The following ELF4 variants were observed in gnomAD, a reference collection of about 807,000 sequenced individuals.
ELF4 encodes the protein ETS-related transcription factor Elf-4.
Under a neutral mutation model 31.7 loss-of-function variants are expected in ELF4, and 10 were observed. That is an observed-to-expected ratio of 0.32 (90% CI 0.19 to 0.54). The LOEUF is 0.54. Among genes scored for constraint, ELF4 ranks in the 20% least tolerant of loss-of-function variants. ELF4 has a pLI of 0.95. For missense variants in ELF4, 418 were observed against 522.0 expected, an observed-to-expected ratio of 0.80 and a Z score of 1.94; for synonymous variants, 208 against 226.7, an observed-to-expected ratio of 0.92 and a Z score of 0.74.
intron 5 of ELF4, 51 bp downstream of exon 5, chrX:130,072,172 CACG>C: frequency 2.1e-5 from 24 of 1,149,821 alleles, no homozygotes; most frequent in African/African-American, 5.3e-5. Context: ...ACCGCCCCCC[CACG>C]CCCCGCCCAT....
At position 130,066,067 on chromosome X, in the gene ELF4, T is replaced by C; in HGVS notation, c.*654A>G. 5.7e-6 allele frequency: 1 copy of C among 175,324 alleles called. No individual in the cohort carries two copies. Among genetic ancestry groups the C allele is most frequent in the Non-Finnish European group, 1.1e-5 (1 of 91,374 alleles). The allele number at this position is 175,324 out of a possible 1,213,427, so 14.4% of individuals were successfully genotyped here. ...CCCAATGTGCATGCGCATCAAAGCG[T>C]TCCTACTCTGCACTCGTTCCAGCTC... On this transcript the variant is annotated 3_prime_UTR_variant, in exon 9 of 9. Transcript: ENST00000308167.
chrX:130,074,228 G>A (rs1932813948), intron 3 of ELF4, 87 bp from the exon 4 acceptor site: 11 of 989,347 alleles, frequency 1.1e-5, no homozygotes, highest in East Asian at 3.1e-5. Flanking sequence ...GGGCCAGCCC[G>A]AAGAAAGGAT....
At position 130,067,519 on chromosome X, in the gene ELF4, A is replaced by C; in HGVS notation, c.1194T>G (p.Ser398=). Reference sequence around the variant, plus strand: ...CTAGGTGGATGTTGCTGGGCACTGAAGATGCACTGAGAAGAAACAGAGAAC... The same window carrying C: ...CTAGGTGGATGTTGCTGGGCACTGACGATGCACTGAGAAGAAACAGAGAAC... The part of the protein sequence containing the change: ...QVKLTKAVSA[S]SVPSNIHLGV... Residue 398 remains serine, a synonymous_variant, in exon 9 of 9, where the codon TCT becomes TCG. Transcript: ENST00000308167. The C allele has an allele frequency of 8.3e-7, 1 of 1,211,581 alleles. No individual in the cohort carries two copies. Among genetic ancestry groups the C allele is most frequent in the Non-Finnish European group, 1.1e-6 (1 of 895,198 alleles).
At chrX:130,098,213 G>A (rs997805350) in intron 1 of ELF4, among the ~76,000 whole-genome samples, 2 of 111,644 alleles carry the variant, frequency 1.8e-5, no homozygotes, top group Non-Finnish European at 3.8e-5. Context: ...TATTCATAGT[G>A]CTTTATGCAG....
In ELF4 at chrX:130,090,298, G is replaced by A. The variant is rs768522191; in HGVS notation, c.-209-8759C>T. Reference sequence around the variant, plus strand: ...TGAAGCAGGAGAATTGCTTGAACCCGGGAGATGGAGGTTGCAGTGAGCCAA... The same window carrying A: ...TGAAGCAGGAGAATTGCTTGAACCCAGGAGATGGAGGTTGCAGTGAGCCAA... On this transcript the variant is annotated intron_variant, in intron 1 of 8. Coordinates refer to ENST00000308167, the MANE Select transcript of ELF4 (RefSeq NM_001421.4). Among the ~76,000 whole-genome samples, 6 of 110,014 alleles carry A rather than the reference G, an allele frequency of 5.5e-5. No homozygotes were observed. In the East Asian group the frequency reaches 1.1e-3, roughly 21 times the overall value.
chrX:130,110,731 C>T, upstream of ELF4: 1 of 109,185 alleles, frequency 9.2e-6, no homozygotes, highest in South Asian at 3.8e-4. Flanking sequence ...GAGACGGCGG[C>T]GCCCCTGATA....
chrX:130,099,325 A>C (rs1569409662), intron 1 of ELF4, among the ~76,000 whole-genome samples: 1 of 112,078 alleles, frequency 8.9e-6, no homozygotes, highest in Admixed American at 9.4e-5. Context: ...TGTAATCCCA[A>C]CACTTTGGGA....
At position 130,075,737 on chromosome X, in the gene ELF4, T is replaced by G. The variant is rs943520538; in HGVS notation, c.76-985A>C. Among the ~76,000 whole-genome samples the G allele has an allele frequency of 7.2e-5, 8 of 111,758 alleles. No homozygotes were observed. In the East Asian group the frequency reaches 2.3e-3, roughly 31 times the overall value. On this transcript the variant is annotated intron_variant, in intron 2 of 8. Transcript: ENST00000308167. ...GTCGGGGGACAAGAGGGATTCAGTC[T>G]AGAGTCAGGGCTGGGGACCTAGTTC... is the stretch of plus-strand genomic sequence containing the variant.
intron 1 of ELF4, among the ~76,000 whole-genome samples, chrX:130,103,092 A>T (rs905864240): frequency 8.9e-6 from 1 of 111,758 alleles, no homozygotes; most frequent in Non-Finnish European, 1.9e-5. Context: ...AAAAGAAAAT[A>T]TGAGACAAAA....
At chrX:130,111,279 C>G (rs1030828303), upstream of ELF4, among the ~76,000 whole-genome samples, 1 of 112,150 alleles carries the variant, frequency 8.9e-6, no homozygotes, top group African/African-American at 3.2e-5. Flanking sequence ...GCGCCCTTCC[C>G]GGTGCGAAGC....
intron 1 of ELF4, among the ~76,000 whole-genome samples, chrX:130,096,186 T>C (rs1933147444): frequency 9.1e-6 from 1 of 109,701 alleles, no homozygotes. Flanking sequence ...TTTTTTTTTG[T>C]TTTGTTTTGT....
At chrX:130,110,159 C>G (rs1198817351) in intron 1 of ELF4, among the ~76,000 whole-genome samples, 166 bp downstream of exon 1, 3 of 111,682 alleles carry the variant, frequency 2.7e-5, no homozygotes, top group African/African-American at 9.7e-5. Flanking sequence ...GGTTCTCCAT[C>G]ACACGCGCGG....
intron 2 of ELF4, among the ~76,000 whole-genome samples, chrX:130,075,556 G>A (rs757277943): frequency 4.5e-5 from 5 of 112,293 alleles, no homozygotes; most frequent in South Asian, 3.7e-4. Flanking sequence ...GATTACAGGC[G>A]TGAGCCACTG....
intron 1 of ELF4, among the ~76,000 whole-genome samples, chrX:130,089,157 G>A: frequency 9.1e-6 from 1 of 110,221 alleles, no homozygotes; most frequent in South Asian, 3.9e-4. Context: ...AGAAGTCATC[G>A]AGAGCTCCTG....
In ELF4 at chrX:130,069,384, G is replaced by A. The variant is rs576980542; in HGVS notation, c.1103C>T (p.Pro368Leu). 132 of 1,210,757 alleles carry A rather than the reference G, an allele frequency of 1.1e-4. No homozygotes were observed. The South Asian group carries it at 1.9e-3, about 18-fold the overall frequency. Reference protein sequence around the residue: ...LQPSASLELGPSLDEEIPTTS... With the variant: ...LQPSASLELGLSLDEEIPTTS... Reference sequence around the variant, plus strand: ...AGTGGGGATCTCCTCGTCTAGCGACGGTCCCAATTCCAGACTCGCAGATGG... The same window carrying A: ...AGTGGGGATCTCCTCGTCTAGCGACAGTCCCAATTCCAGACTCGCAGATGG... Residue 368 changes from proline (P) to leucine (L), a missense_variant, in exon 8 of 9, where the codon CCG becomes CTG. Physicochemically the swap from Pro to Leu is moderately conservative, Grantham distance 98. This residue lies in a region of ELF4 where 260 missense variants were observed against 269.2 expected (regional missense o/e 0.97). Transcript: ENST00000308167.
At position 130,077,260 on chromosome X, in the gene ELF4, A is replaced by G. The variant is rs1932842381; in HGVS notation, c.76-2508T>C. Among the ~76,000 whole-genome samples, 3 of 111,571 alleles carry G rather than the reference A, an allele frequency of 2.7e-5. No individual in the cohort carries two copies. In the South Asian group the frequency reaches 1.1e-3, roughly 42 times the overall value. Reference sequence around the variant, plus strand: ...TGTGACTAGTGGCCCCATACTGGACAGCACAAACATAGAACATTTCCAGCA... The same window carrying G: ...TGTGACTAGTGGCCCCATACTGGACGGCACAAACATAGAACATTTCCAGCA... On this transcript the variant is annotated intron_variant, in intron 2 of 8. Transcript: ENST00000308167.
At chrX:130,110,990 G>A (rs1302428068), upstream of ELF4, among the ~76,000 whole-genome samples, 11 of 88,638 alleles carry the variant, frequency 1.2e-4, no homozygotes, top group Non-Finnish European at 6.8e-5. Flanking sequence ...CCGACGGGAG[G>A]GACTGCGGGC....
At chrX:130,090,382 A>AAAG (rs1236976889) in intron 1 of ELF4, among the ~76,000 whole-genome samples, 1 of 109,518 alleles carries the variant, frequency 9.1e-6, no homozygotes, top group African/African-American at 3.3e-5. Context: ...CAAAAAAAAA[A>AAAG]AAGAAGAAGA....
Position 130,064,867 on chromosome X carries a change from T to C in ELF4, c.*1854A>G, listed in dbSNP as rs1045971933. 8 of 140,808 alleles carry C rather than the reference T, an allele frequency of 5.7e-5. No individual in the cohort carries two copies. The highest frequency in any genetic ancestry group is 1.8e-4 in the Admixed American group (2 of 11,403). The allele number at this position is 140,808 out of a possible 1,213,427, so 11.6% of individuals were successfully genotyped here. On this transcript the variant is annotated 3_prime_UTR_variant, in exon 9 of 9. Transcript: ENST00000308167. The stretch of plus-strand genomic sequence containing the variant: ...TACCCCAACCCATGCAGCACCTTTA[T>C]GCAAAATTTTTTTTTAATGGTGACC...
Sources: gnomAD v4.1 joint callset for allele counts (sites outside exome capture counted in the v4.1 genomes callset) on GRCh38, gnomAD v4.1.1 for gene constraint, gnomAD v4.1.1 regional missense constraint, MANE v1.5 for transcripts, NCBI Gene and HGNC (gene_info 2026-07-23, HGNC 2026-07-21) for gene names.